Variants in CA10 observed in about 807,000 individuals in gnomAD.
The protein encoded by CA10 is carbonic anhydrase-related protein 10.
A neutral mutation model predicts 44.2 loss-of-function variants in CA10; 14 were observed. The observed-to-expected ratio is 0.32, with a 90% CI of 0.21 to 0.50. The LOEUF (loss-of-function observed/expected upper bound fraction) is 0.50, where lower values mean the gene tolerates loss of function less well. Ranked by LOEUF, CA10 falls within the 20% of genes least tolerant of loss-of-function variation. The pLI is 0.99. For synonymous variants in CA10, 159 were observed against 141.6 expected (o/e 1.12, Z -0.87); for missense variants, 350 against 409.7 (o/e 0.85, Z 1.26).
At chr17:51,747,891 T>G in intron 3 of CA10, 73 bp from the exon 4 acceptor site, 1 of 1,169,678 alleles carries the variant, frequency 8.5e-7, no homozygotes, top group Non-Finnish European at 1.2e-6. Context: ...GCATGGTGCT[T>G]GGATCAACAC....
chr17:51,716,131 A>C (rs1916105580), intron 4 of CA10, among the ~76,000 whole-genome samples: 1 of 152,156 alleles, frequency 6.6e-6, no homozygotes, highest in African/African-American at 2.4e-5. Flanking sequence ...CTAAATCAAT[A>C]ACTACTATAC....
intron 2 of CA10, among the ~76,000 whole-genome samples, chr17:52,064,530 A>C (rs1987480107): frequency 6.6e-6 from 1 of 151,534 alleles, no homozygotes; most frequent in Non-Finnish European, 1.5e-5. Flanking sequence ...CTGTGAAGAA[A>C]GAAGAGCTTA....
chr17:51,997,987 A>G (rs1481010604), intron 2 of CA10, among the ~76,000 whole-genome samples: 1 of 152,098 alleles, frequency 6.6e-6, no homozygotes, highest in East Asian at 1.9e-4. Context: ...GGGAACCAAG[A>G]GACAGAAACA....
intron 1 of CA10, among the ~76,000 whole-genome samples, chr17:52,092,231 A>T (rs1012437691): frequency 6.6e-6 from 1 of 152,050 alleles, no homozygotes; most frequent in Non-Finnish European, 1.5e-5. Context: ...TTGTCCACAG[A>T]ATTTTTTCTT....
At position 51,821,064 on chromosome 17, in the gene CA10, T is replaced by C. The variant is rs1433889386; in HGVS notation, c.280-73246A>G. ...CCCTCCCTCCCTCCCTCCCTCCCTCTCTCCCTTCCTTCCTCCCTCCCTCCC... is the reference window on the plus strand; with the variant it reads ...CCCTCCCTCCCTCCCTCCCTCCCTCCCTCCCTTCCTTCCTCCCTCCCTCCC... On this transcript the variant is annotated intron_variant, in intron 3 of 8. Transcript: ENST00000451037. Among the ~76,000 whole-genome samples the C allele has an allele frequency of 1.7e-3, 98 of 56,492 alleles. 2 individuals are homozygous for C. Among genetic ancestry groups the C allele is most frequent in the African/African-American group, 8.5e-3 (94 of 11,014 alleles). 37.1% of individuals were successfully genotyped at this position (56,492 alleles called of 152,430 possible).
intron 1 of CA10, among the ~76,000 whole-genome samples, chr17:52,147,526 C>T (rs1204835345): frequency 6.7e-6 from 1 of 148,866 alleles, no homozygotes; most frequent in East Asian, 1.9e-4. Flanking sequence ...AACTTATACA[C>T]TTAAAATTGC....
intron 4 of CA10, among the ~76,000 whole-genome samples, chr17:51,704,974 A>G (rs1259090578): frequency 6.6e-6 from 1 of 151,834 alleles, no homozygotes; most frequent in African/African-American, 2.4e-5. Flanking sequence ...CTAAAAAAAA[A>G]AAAAAGAAAA....
At chr17:51,717,872 G>T (rs2143520295) in intron 4 of CA10, among the ~76,000 whole-genome samples, 1 of 28,876 alleles carries the variant, frequency 3.5e-5, no homozygotes, top group African/African-American at 1.5e-4. Context: ...TATATATACA[G>T]GATAGAATAC....
chr17:52,141,038 G>A (rs1478623758), intron 1 of CA10, among the ~76,000 whole-genome samples: 1 of 152,124 alleles, frequency 6.6e-6, no homozygotes, highest in Non-Finnish European at 1.5e-5. Flanking sequence ...AATATGGTCT[G>A]ACCTTCATTC....
chr17:52,071,437 CT>C (rs1241632865), intron 2 of CA10, among the ~76,000 whole-genome samples: 1 of 152,080 alleles, frequency 6.6e-6, no homozygotes, highest in African/African-American at 2.4e-5. Context: ...GTGTAATAGA[CT>C]CTACAGAAGG....
At chr17:51,787,183 C>A (rs1407997380) in intron 3 of CA10, among the ~76,000 whole-genome samples, 11 of 152,168 alleles carry the variant, frequency 7.2e-5, no homozygotes, top group African/African-American at 2.7e-4. Context: ...TAATACTGGC[C>A]TCATAGAATG....
At chr17:51,793,284 A>G (rs905872668) in intron 3 of CA10, among the ~76,000 whole-genome samples, 1 of 152,284 alleles carries the variant, frequency 6.6e-6, no homozygotes, top group South Asian at 2.1e-4. Context: ...ATGAATGGCC[A>G]TTGGGGGAAA....
At chr17:52,014,622 TG>T (rs1244396266) in intron 2 of CA10, among the ~76,000 whole-genome samples, 4 of 152,066 alleles carry the variant, frequency 2.6e-5, no homozygotes, top group African/African-American at 9.6e-5. Context: ...AGTAGATAAA[TG>T]TGACATATTA....
intron 4 of CA10, among the ~76,000 whole-genome samples, chr17:51,744,991 A>G (rs1445952218): frequency 6.6e-6 from 1 of 152,186 alleles, no homozygotes; most frequent in African/African-American, 2.4e-5. Context: ...GCATCTACCC[A>G]GGGCAAGGTA....
chr17:52,114,462 T>G (rs1567737827), intron 1 of CA10, among the ~76,000 whole-genome samples: 1 of 152,238 alleles, frequency 6.6e-6, no homozygotes, highest in Admixed American at 6.5e-5. Flanking sequence ...GGAAGGATAC[T>G]AGTATTAAAC....
At chr17:51,920,321 G>C (rs1982177798) in intron 3 of CA10, among the ~76,000 whole-genome samples, 1 of 152,084 alleles carries the variant, frequency 6.6e-6, no homozygotes, top group African/African-American at 2.4e-5. Flanking sequence ...GAAGTGAAAG[G>C]ACAGGGAAAG....
At chr17:52,154,977 T>C (rs1989774935) in intron 1 of CA10, among the ~76,000 whole-genome samples, 1 of 152,196 alleles carries the variant, frequency 6.6e-6, no homozygotes, top group African/African-American at 2.4e-5. Context: ...GTTGGAACCT[T>C]TGGTTAACAA....
At chr17:52,024,080 C>T (rs958431564) in intron 2 of CA10, among the ~76,000 whole-genome samples, 2 of 152,102 alleles carry the variant, frequency 1.3e-5, no homozygotes, top group African/African-American at 4.8e-5. Flanking sequence ...CACTTCCCTT[C>T]TATCTGGGCT....
intron 3 of CA10, among the ~76,000 whole-genome samples, chr17:51,819,145 G>C (rs1038903971): frequency 6.6e-6 from 1 of 152,174 alleles, no homozygotes; most frequent in African/African-American, 2.4e-5. Context: ...TGCTAGTTTA[G>C]GTCTCTTGCT....
Sources: allele counts gnomAD v4.1 joint callset (sites outside exome capture counted in the v4.1 genomes callset), GRCh38; gene constraint gnomAD v4.1.1; transcripts MANE v1.5; gene names NCBI Gene and HGNC (gene_info 2026-07-23, HGNC 2026-07-21).